RRP15: variants seen among roughly 807,000 people sequenced by gnomAD.
The protein encoded by RRP15 is ribosomal RNA processing 15 homolog, also known as RRP15-like protein.
Under a neutral mutation model 27.1 loss-of-function variants are expected in RRP15, and 18 were observed. That is an observed-to-expected ratio of 0.66 (90% CI 0.46 to 0.98). RRP15 has a LOEUF of 0.98. Among genes scored for constraint, RRP15 ranks in the 50% least tolerant of loss-of-function variants. RRP15 has a pLI of 0.00. For missense variants in RRP15, 359 were observed against 337.8 expected, an observed-to-expected ratio of 1.06 and a Z score of -0.49; for synonymous variants, 107 against 109.4, an observed-to-expected ratio of 0.98 and a Z score of 0.14.
Position 218,285,327 on chromosome 1 carries a change from C to T in RRP15, c.11C>T (p.Ala4Val). The T allele has an allele frequency of 1.2e-6, 2 of 1,613,326 alleles. No individual in the cohort carries two copies. The highest frequency in any genetic ancestry group is 1.7e-6 in the Non-Finnish European group (2 of 1,179,786). The stretch of plus-strand genomic sequence containing the variant: ...TTCCGGCGCAGAAAAATGGCAGCCG[C>T]CGCTCCGGACTCACGTGTGAGTGAG... MAA[A>V]APDSRVSEEE... Residue 4 changes from alanine to valine, a missense_variant, in exon 1 of 5, where the codon GCC becomes GTC. Coordinates refer to ENST00000366932, the MANE Select transcript of RRP15 (RefSeq NM_016052.4).
At chr1:218,307,010 A>G (rs886160480) in intron 3 of RRP15, among the ~76,000 whole-genome samples, 30 of 152,346 alleles carry the variant, frequency 2.0e-4, no homozygotes, top group African/African-American at 7.0e-4. Context: ...ATGAACTCAA[A>G]TAAATACAGA....
intron 1 of RRP15, among the ~76,000 whole-genome samples, chr1:218,298,163 A>G (rs1190408545): frequency 1.3e-5 from 2 of 152,158 alleles, no homozygotes; most frequent in African/African-American, 2.4e-5. Context: ...TTCTAGGTTC[A>G]GTGATCTTGC....
intron 4 of RRP15, among the ~76,000 whole-genome samples, chr1:218,321,281 T>C (rs1656184432): frequency 6.6e-6 from 1 of 152,270 alleles, no homozygotes; most frequent in South Asian, 2.1e-4. Flanking sequence ...GCAGTTTTCG[T>C]TAAGTTCTTG....
At chr1:218,308,632 G>A (rs1329911127) in intron 4 of RRP15, among the ~76,000 whole-genome samples, 2 of 152,148 alleles carry the variant, frequency 1.3e-5, no homozygotes, top group African/African-American at 4.8e-5. Context: ...TAGGGTTGGA[G>A]CATTTTTTAA....
intron 1 of RRP15, among the ~76,000 whole-genome samples, chr1:218,292,646 T>TACAG (rs959644012): frequency 1.0e-3 from 157 of 152,326 alleles, no homozygotes; most frequent in African/African-American, 3.7e-3. Context: ...AATTCTCAAA[T>TACAG]ACAGAATCCA....
At position 218,307,653 on chromosome 1, in the gene RRP15, T is replaced by C. The variant is rs1655921573; in HGVS notation, c.705+21T>C. ...AACAGGTAAAAACTTTTCTATAGGA[T>C]TCAGTGTATCAGACTTTCAGCTCTA... On this transcript the variant is annotated intron_variant, in intron 4 of 4. Transcript: ENST00000366932. 2.6e-6 allele frequency: 4 copies of C among 1,542,776 alleles called. No homozygotes were observed. In the East Asian group the frequency reaches 9.0e-5, roughly 35 times the overall value.
At chr1:218,305,338 A>G (rs567526636) in intron 3 of RRP15, among the ~76,000 whole-genome samples, 7 of 152,276 alleles carry the variant, frequency 4.6e-5, no homozygotes, top group African/African-American at 1.7e-4. Context: ...GTAAGAACCT[A>G]TTTCAGATCA....
intron 1 of RRP15, among the ~76,000 whole-genome samples, chr1:218,289,831 C>T (rs146244929): frequency 8.5e-4 from 129 of 152,196 alleles, no homozygotes; most frequent in African/African-American, 3.0e-3. Flanking sequence ...TACAGGCATG[C>T]ACCACCACAC....
chr1:218,306,660 GA>G (rs1177420011), intron 3 of RRP15, among the ~76,000 whole-genome samples: 1 of 152,090 alleles, frequency 6.6e-6, no homozygotes, highest in Admixed American at 6.5e-5. Flanking sequence ...CGCTATCCAG[GA>G]GAAATGAATG....
At chr1:218,285,510 G>A in intron 1 of RRP15, 55 bp downstream of exon 1, 1 of 1,606,132 alleles carries the variant, frequency 6.2e-7, no homozygotes, top group Non-Finnish European at 8.5e-7. Flanking sequence ...GGCTGAGTTC[G>A]TGTCAAGCAG....
At chr1:218,324,629 A>G (rs942613741) in intron 4 of RRP15, among the ~76,000 whole-genome samples, 1 of 152,228 alleles carries the variant, frequency 6.6e-6, no homozygotes, top group Non-Finnish European at 1.5e-5. Flanking sequence ...TTGATTAATC[A>G]GTTTGAGGCA....
intron 1 of RRP15, among the ~76,000 whole-genome samples, chr1:218,290,210 T>A (rs1273903903): frequency 6.6e-6 from 1 of 152,214 alleles, no homozygotes; most frequent in Non-Finnish European, 1.5e-5. Flanking sequence ...TTGTTGGACA[T>A]CATGGTAATA....
At chr1:218,298,768 T>C (rs1313480953) in intron 1 of RRP15, among the ~76,000 whole-genome samples, 1 of 152,254 alleles carries the variant, frequency 6.6e-6, no homozygotes, top group African/African-American at 2.4e-5. Context: ...TCAGTTGTGC[T>C]AGCCACATTT....
intron 2 of RRP15, among the ~76,000 whole-genome samples, chr1:218,304,769 C>G (rs75240123): frequency 7.0e-4 from 107 of 152,184 alleles, no homozygotes; most frequent in Middle Eastern, 3.4e-3. Context: ...ACTGCCTGGC[C>G]GAATATGCTG....
At chr1:218,296,288 G>A (rs1655718219) in intron 1 of RRP15, among the ~76,000 whole-genome samples, 1 of 152,124 alleles carries the variant, frequency 6.6e-6, no homozygotes, top group African/African-American at 2.4e-5. Context: ...TTGACTTTGA[G>A]CATGTTTTTA....
intron 4 of RRP15, among the ~76,000 whole-genome samples, chr1:218,309,235 A>G (rs1655951741): frequency 2.0e-5 from 3 of 152,094 alleles, no homozygotes; most frequent in Non-Finnish European, 4.4e-5. Flanking sequence ...TGCCATCAAT[A>G]CCCTGACATA....
At chr1:218,289,064 A>G (rs1349065737) in intron 1 of RRP15, among the ~76,000 whole-genome samples, 1 of 152,232 alleles carries the variant, frequency 6.6e-6, no homozygotes, top group Non-Finnish European at 1.5e-5. Context: ...TAACAATTAA[A>G]TGAGTTTATA....
intron 4 of RRP15, among the ~76,000 whole-genome samples, chr1:218,320,799 G>T (rs1656176085): frequency 1.3e-5 from 2 of 151,942 alleles, no homozygotes; most frequent in Non-Finnish European, 2.9e-5. Context: ...CATAAAGTAT[G>T]TTTTTAACTA....
At chr1:218,309,922 A>G (rs570020789) in intron 4 of RRP15, among the ~76,000 whole-genome samples, 2 of 152,294 alleles carry the variant, frequency 1.3e-5, no homozygotes, top group Admixed American at 6.5e-5. Flanking sequence ...GTGTGAAGGG[A>G]ATTTCAGAGT....
Sources: gnomAD v4.1 joint callset for allele counts (sites outside exome capture counted in the v4.1 genomes callset) on GRCh38, gnomAD v4.1.1 for gene constraint, MANE v1.5 for transcripts, NCBI Gene and HGNC (gene_info 2026-07-23, HGNC 2026-07-21) for gene names.